SNX29: variants seen among roughly 807,000 people sequenced by gnomAD.
SNX29 encodes the protein sorting nexin-29.
SNX29 carries 78 observed loss-of-function variants against 102.1 expected under a neutral mutation model. That is an observed-to-expected ratio of 0.76 (90% CI 0.64 to 0.92). SNX29 has a LOEUF of 0.92. SNX29 is among the 40% of genes least tolerant of loss of function. SNX29 has a pLI of 0.00. For synonymous variants in SNX29, 580 were observed against 414.5 expected, an observed-to-expected ratio of 1.40 and a Z score of -4.85; for missense variants, 1,280 against 1,061.7, an observed-to-expected ratio of 1.21 and a Z score of -2.86.
At chr16:12,557,886 G>T (rs531439050) in intron 20 of SNX29, among the ~76,000 whole-genome samples, 1 of 152,156 alleles carries the variant, frequency 6.6e-6, no homozygotes, top group South Asian at 2.1e-4. Context: ...GAGGGCCTCT[G>T]CAGGCAACTG....
At chr16:12,432,702 G>C (rs757298826) in intron 18 of SNX29, among the ~76,000 whole-genome samples, 14 of 152,240 alleles carry the variant, frequency 9.2e-5, no homozygotes, top group Admixed American at 2.0e-4. Flanking sequence ...GCCTTCACTT[G>C]ACAGTGACAG....
At chr16:12,107,761 T>G (rs2053325838) in intron 11 of SNX29, among the ~76,000 whole-genome samples, 1 of 152,144 alleles carries the variant, frequency 6.6e-6, no homozygotes, top group Admixed American at 6.6e-5. Flanking sequence ...AGGCATCTGC[T>G]TGTTCTGGAG....
intron 14 of SNX29, among the ~76,000 whole-genome samples, chr16:12,207,541 C>T (rs1419350396): frequency 6.6e-6 from 1 of 152,168 alleles, no homozygotes; most frequent in East Asian, 1.9e-4. Context: ...TGTTCCACCG[C>T]AGTGTCTCGC....
chr16:12,305,419 A>G (rs2080308251), intron 15 of SNX29, among the ~76,000 whole-genome samples: 2 of 152,212 alleles, frequency 1.3e-5, no homozygotes, highest in Non-Finnish European at 2.9e-5. Flanking sequence ...GTCAAGCCCT[A>G]GGCATTTTAG....
intron 18 of SNX29, among the ~76,000 whole-genome samples, chr16:12,420,245 A>C (rs906646718): frequency 6.6e-6 from 1 of 152,224 alleles, no homozygotes; most frequent in Admixed American, 6.5e-5. Context: ...ATACTTACTG[A>C]TGAATAGACA....
chr16:11,979,772 T>C (rs1428340774), intron 1 of SNX29, among the ~76,000 whole-genome samples: 1 of 151,948 alleles, frequency 6.6e-6, no homozygotes, highest in African/African-American at 2.4e-5. Context: ...TTAGTAGAGA[T>C]GGAGTTTCGC....
At chr16:12,405,986 C>G (rs1391931698) in intron 18 of SNX29, among the ~76,000 whole-genome samples, 2 of 151,714 alleles carry the variant, frequency 1.3e-5, no homozygotes, top group Non-Finnish European at 2.9e-5. Context: ...GAGCCGAGAT[C>G]GCACCATTGC....
At chr16:11,987,462 G>A (rs757668396) in intron 1 of SNX29, among the ~76,000 whole-genome samples, 8 of 150,370 alleles carry the variant, frequency 5.3e-5, no homozygotes, top group African/African-American at 1.7e-4. Flanking sequence ...GGAGTGCAGC[G>A]GTGTGATCAC....
At chr16:12,348,714 A>G (rs2081902572) in intron 15 of SNX29, among the ~76,000 whole-genome samples, 1 of 152,204 alleles carries the variant, frequency 6.6e-6, no homozygotes, top group Non-Finnish European at 1.5e-5. Flanking sequence ...GAGTGTGGCC[A>G]CAAACACAGG....
chr16:12,472,545 A>AC (rs1491346157), intron 18 of SNX29, among the ~76,000 whole-genome samples: 37 of 126,168 alleles, frequency 2.9e-4, no homozygotes, highest in African/African-American at 8.1e-4. Flanking sequence ...AAAAAAAAAC[A>AC]AAAAAAAAAA....
chr16:12,559,350 T>C (rs962310038), intron 20 of SNX29, among the ~76,000 whole-genome samples: 1 of 151,580 alleles, frequency 6.6e-6, no homozygotes, highest in African/African-American at 2.4e-5. Context: ...TGCATGCTAC[T>C]TACGAGAATC....
chr16:12,284,049 T>G (rs2079517373), intron 15 of SNX29, among the ~76,000 whole-genome samples: 1 of 152,230 alleles, frequency 6.6e-6, no homozygotes, highest in Admixed American at 6.5e-5. Context: ...GACTCTTGCT[T>G]CTTTACCTCT....
intron 15 of SNX29, among the ~76,000 whole-genome samples, chr16:12,327,295 G>A (rs1293154791): frequency 2.0e-5 from 3 of 152,086 alleles, no homozygotes; most frequent in Non-Finnish European, 2.9e-5. Context: ...CAGGATGGGC[G>A]TCCTGTAGTT....
Position 12,570,424 on chromosome 16 carries a change from C to G in SNX29, c.*1795C>G, listed in dbSNP as rs1166464682. The stretch of plus-strand genomic sequence containing the variant: ...GCACATCAGCTCACATGACTGGCAA[C>G]TCTAAATAGAGAGCCCTAATGGACT... On this transcript the variant is annotated 3_prime_UTR_variant, in exon 21 of 21. Coordinates refer to ENST00000566228, the MANE Select transcript of SNX29 (RefSeq NM_032167.5). 3.9e-6 allele frequency: 1 copy of G among 254,404 alleles called. No homozygotes were observed. Among genetic ancestry groups the G allele is most frequent in the Non-Finnish European group, 7.3e-6 (1 of 137,548 alleles). 15.8% of individuals were successfully genotyped at this position (254,404 alleles called of 1,614,324 possible).
At chr16:12,161,869 T>A (rs925182754) in intron 13 of SNX29, among the ~76,000 whole-genome samples, 4 of 152,154 alleles carry the variant, frequency 2.6e-5, no homozygotes, top group African/African-American at 9.7e-5. Context: ...TGGACCGCGT[T>A]TCTTACACAG....
At chr16:12,074,577 T>C (rs1362456566) in intron 10 of SNX29, among the ~76,000 whole-genome samples, 1 of 152,200 alleles carries the variant, frequency 6.6e-6, no homozygotes, top group African/African-American at 2.4e-5. Context: ...ACCCGACCTT[T>C]CTCTCTGGCT....
chr16:12,318,457 G>A (rs1035623124), intron 15 of SNX29, among the ~76,000 whole-genome samples: 1 of 152,200 alleles, frequency 6.6e-6, no homozygotes, highest in Admixed American at 6.5e-5. Flanking sequence ...TACAAACTCA[G>A]CATGGAGGGA....
chr16:12,499,676 CT>C (rs1383668797), intron 19 of SNX29, among the ~76,000 whole-genome samples: 1 of 152,142 alleles, frequency 6.6e-6, no homozygotes, highest in Non-Finnish European at 1.5e-5. Flanking sequence ...CATTCATTTA[CT>C]TCTTTATTTA....
chr16:12,550,855 CATGATAG>C (rs2077931291), intron 20 of SNX29, among the ~76,000 whole-genome samples: 1 of 152,166 alleles, frequency 6.6e-6, no homozygotes, highest in African/African-American at 2.4e-5. Flanking sequence ...GCAGTATTTT[CATGATAG>C]ACTTTCTGGG....
Sources: gnomAD v4.1 joint callset for allele counts (sites outside exome capture counted in the v4.1 genomes callset) on GRCh38, gnomAD v4.1.1 for gene constraint, MANE v1.5 for transcripts, NCBI Gene and HGNC (gene_info 2026-07-23, HGNC 2026-07-21) for gene names.